The following SCN9A variants were observed in gnomAD, a reference collection of about 807,000 sequenced individuals.
SCN9A encodes the protein sodium channel protein type 9 subunit alpha.
SCN9A carries 131 observed loss-of-function variants against 187.0 expected under a neutral mutation model. The ratio of observed to expected loss-of-function variants is 0.70; its 90% CI spans 0.61 to 0.81. The LOEUF is 0.81. Among genes scored for constraint, SCN9A ranks in the 30% least tolerant of loss-of-function variants. SCN9A has a pLI of 0.00. For missense variants in SCN9A, 2,252 were observed against 2,396.6 expected (o/e 0.94, Z 1.26); for synonymous variants, 809 against 808.6 (o/e 1.00, Z -0.01).
chr2:166,291,277 C>T (rs1015830070), intron 9 of SCN9A, among the ~76,000 whole-genome samples: 2 of 152,036 alleles, frequency 1.3e-5, no homozygotes, highest in African/African-American at 2.4e-5. Context: ...TTCCTATACA[C>T]CAACAATAGA....
At chr2:166,199,913 T>C (rs1261546878) in intron 26 of SCN9A, 49 bp from the exon 27 acceptor site, 1 of 1,374,792 alleles carries the variant, frequency 7.3e-7, no homozygotes, top group South Asian at 1.2e-5. Context: ...AGATGTATGC[T>C]ACCTGAAATG....
intron 7 of SCN9A, among the ~76,000 whole-genome samples, chr2:166,298,087 C>T (rs552001664): frequency 3.3e-5 from 5 of 152,234 alleles, no homozygotes; most frequent in South Asian, 2.1e-4. Flanking sequence ...AATAATGCAA[C>T]TCTGAGAAAA....
chr2:166,299,969 A>G (rs1337113103), intron 7 of SCN9A, among the ~76,000 whole-genome samples: 1 of 150,794 alleles, frequency 6.6e-6, no homozygotes, highest in Non-Finnish European at 1.5e-5. Context: ...AGCAAGCTCT[A>G]CAGACTTTGT....
intron 26 of SCN9A, 127 bp from the exon 27 acceptor site, chr2:166,199,991 T>C: frequency 2.4e-6 from 1 of 421,338 alleles, no homozygotes; most frequent in Non-Finnish European, 3.4e-6. Flanking sequence ...TTTTTTTTTT[T>C]TTTTTTTTTT....
intron 1 of SCN9A, among the ~76,000 whole-genome samples, chr2:166,314,473 G>A (rs888739762): frequency 2.0e-5 from 3 of 152,114 alleles, no homozygotes; most frequent in Admixed American, 6.5e-5. Flanking sequence ...AGACTCAAGG[G>A]AATTTAAAAC....
Position 166,340,788 on chromosome 2 carries a change from G to A in SCN9A, c.-50-28982C>T, listed in dbSNP as rs1005242927. ...GGCAGGCGCCACAACACCCGGCTAA[G>A]TTTTGTCTATTTTTTATAGAAATGG... On this transcript the variant is annotated intron_variant, in intron 1 of 26. Coordinates refer to ENST00000642356, the MANE Select transcript of SCN9A (RefSeq NM_001365536.1). Among the ~76,000 whole-genome samples, 4 of 151,620 alleles carry A rather than the reference G, an allele frequency of 2.6e-5. No individual in the cohort carries two copies. In the East Asian group the frequency reaches 7.8e-4, roughly 30 times the overall value.
At chr2:166,345,676 G>C (rs996136187) in intron 1 of SCN9A, among the ~76,000 whole-genome samples, 9 of 152,144 alleles carry the variant, frequency 5.9e-5, no homozygotes, top group Admixed American at 5.2e-4. Flanking sequence ...GAAGATGAAG[G>C]TATTTATTGC....
Position 166,303,273 on chromosome 2 carries a change from G to A in SCN9A, c.718C>T (p.Gln240Ter). The change falls in exon 7 of 27, where the codon CAG (glutamine) becomes TAG (stop). Residue 240 changes from glutamine to a stop codon, truncating the protein, a stop_gained. Transcript: ENST00000642356. LOFTEE classifies it high-confidence loss of function. ...GLKTIVGALIQSVKKLSDVMI... is the reference protein window; with the variant it reads ...GLKTIVGALI ...ACATCAGAAAGCTTCTTCACTGACT[G>A]GATCAAAGCCCCTACAATTGTCTTC... The A allele has an allele frequency of 6.2e-7, 1 of 1,613,336 alleles. No individual in the cohort carries two copies. The highest frequency in any genetic ancestry group is 8.5e-7 in the Non-Finnish European group (1 of 1,179,580).
intron 1 of SCN9A, among the ~76,000 whole-genome samples, chr2:166,338,358 C>A (rs189564784): frequency 6.6e-6 from 1 of 151,830 alleles, no homozygotes; most frequent in Non-Finnish European, 1.5e-5. Context: ...TTTTCTCTTT[C>A]GGTGCTCTTT....
chr2:166,304,304 C>G lies in SCN9A; in HGVS notation c.622G>C (p.Gly208Arg). 1 of 1,613,222 alleles carries G rather than the reference C, an allele frequency of 6.2e-7. No individual in the cohort carries two copies. Among genetic ancestry groups the G allele is most frequent in the African/African-American group, 1.3e-5 (1 of 74,984 alleles). ...AAAGTTCGAAGAGCTGAAACATTGC[C>G]TAGGTTTACAAATTCTGTTAAATAC... ...FAYLTEFVNL[G>R]NVSALRTFRV... The change falls in exon 6 of 27, where the codon GGC becomes CGC. Residue 208 changes from glycine to arginine, a missense_variant. Physicochemically the swap from Gly to Arg is moderately radical, Grantham distance 125. This residue lies in a region of SCN9A where 1,013 missense variants were observed against 997.4 expected (regional missense o/e 1.02). Coordinates refer to ENST00000642356, the MANE Select transcript of SCN9A (RefSeq NM_001365536.1).
intron 17 of SCN9A, among the ~76,000 whole-genome samples, chr2:166,252,181 T>A (rs945273613): frequency 2.6e-5 from 4 of 151,988 alleles, no homozygotes; most frequent in African/African-American, 9.7e-5. Context: ...CTATCACTTT[T>A]GGAAAGTATT....
At chr2:166,304,796 A>G (rs113182934) in intron 5 of SCN9A, among the ~76,000 whole-genome samples, 1 of 152,226 alleles carries the variant, frequency 6.6e-6, no homozygotes, top group African/African-American at 2.4e-5. Flanking sequence ...GCTAATGAGT[A>G]CAGAGTTTCT....
At chr2:166,236,474 G>A (rs140330631) in intron 20 of SCN9A, among the ~76,000 whole-genome samples, 3,134 of 152,214 alleles carry the variant, frequency 0.021, 120 homozygotes, top group African/African-American at 0.072. Context: ...AAGCTGGAGT[G>A]CAGTGGCACG....
chr2:166,198,972 C>A lies in SCN9A; in HGVS notation c.5667G>T (p.Glu1889Asp). 1 of 1,613,998 alleles carries A rather than the reference C, an allele frequency of 6.2e-7. No individual in the cohort carries two copies. Among genetic ancestry groups the A allele is most frequent in the Non-Finnish European group, 8.5e-7 (1 of 1,179,910 alleles). The part of the protein sequence containing the change: ...PITTTLKRKQ[E>D]DVSATVIQRA... ...GCTGAATGACAGTAGCAGACACATCCTCTTGTTTCCGTTTTAGTGTGGTTG... is the reference window on the plus strand; with the variant it reads ...GCTGAATGACAGTAGCAGACACATCATCTTGTTTCCGTTTTAGTGTGGTTG... The change falls in exon 27 of 27, where the codon GAG becomes GAT. Residue 1889 changes from glutamate to aspartate, a missense_variant. Physicochemically the swap from Glu to Asp is conservative, Grantham distance 45 (BLOSUM62 2). This residue lies in a region of SCN9A where 345 missense variants were observed against 344.6 expected (regional missense o/e 1.00). Transcript: ENST00000642356.
intron 6 of SCN9A, chr2:166,303,930 A>T: frequency 8.4e-7 from 1 of 1,188,998 alleles, no homozygotes; most frequent in Non-Finnish European, 1.2e-6. Context: ...TGTGGAAAAC[A>T]GAAGAAATCA....
chr2:166,372,335 C>T (rs965232985), intron 1 of SCN9A, among the ~76,000 whole-genome samples: 3 of 152,116 alleles, frequency 2.0e-5, no homozygotes, highest in African/African-American at 4.8e-5. Context: ...TTATGGCCTC[C>T]GCCTCATCTG....
intron 1 of SCN9A, among the ~76,000 whole-genome samples, chr2:166,359,900 TA>T (rs1336403153): frequency 1.3e-5 from 2 of 151,462 alleles, no homozygotes; most frequent in Non-Finnish European, 2.9e-5. Context: ...TATAGCCTTT[TA>T]AAATATAGTA....
At chr2:166,308,952 T>C (rs1260741167) in intron 2 of SCN9A, among the ~76,000 whole-genome samples, 3 of 136,600 alleles carry the variant, frequency 2.2e-5, no homozygotes. Flanking sequence ...AAAAGACTAA[T>C]ACATGTATAG....
At chr2:166,258,159 C>T (rs957547490) in intron 17 of SCN9A, among the ~76,000 whole-genome samples, 1 of 151,240 alleles carries the variant, frequency 6.6e-6, no homozygotes, top group African/African-American at 2.4e-5. Context: ...AGATTCCTGC[C>T]CCCATCCTAG....
Sources: gnomAD v4.1 joint callset for allele counts (sites outside exome capture counted in the v4.1 genomes callset) on GRCh38, gnomAD v4.1.1 for gene constraint, gnomAD v4.1.1 regional missense constraint, MANE v1.5 for transcripts, NCBI Gene and HGNC (gene_info 2026-07-23, HGNC 2026-07-21) for gene names.